SHANK2: variants seen among roughly 807,000 people sequenced by gnomAD.
The protein encoded by SHANK2 is SH3 and multiple ankyrin repeat domains 2.
A neutral mutation model predicts 133.7 loss-of-function variants in SHANK2; 43 were observed. The observed-to-expected ratio is 0.32, with a 90% CI of 0.25 to 0.41. The LOEUF is 0.41. SHANK2 is among the 10% of genes least tolerant of loss of function. The probability of loss-of-function intolerance (pLI) is 1.00; values close to 1 mark genes in which losing one functional copy is unlikely to be tolerated. For synonymous variants in SHANK2, 1,017 were observed against 952.8 expected (o/e 1.07, Z -1.24); for missense variants, 1,994 against 2,235.8 (o/e 0.89, Z 2.18).
intron 3 of SHANK2, among the ~76,000 whole-genome samples, chr11:71,136,994 C>T (rs1952451569): frequency 6.6e-6 from 1 of 152,168 alleles, no homozygotes; most frequent in Admixed American, 6.5e-5. Flanking sequence ...TCCTGAGTAG[C>T]TGGGATTACA....
chr11:70,720,332 G>A (rs1250671625), intron 14 of SHANK2, among the ~76,000 whole-genome samples: 1 of 152,222 alleles, frequency 6.6e-6, no homozygotes, highest in Non-Finnish European at 1.5e-5. Context: ...ATCTCCAGAG[G>A]CTACAGAGAA....
chr11:70,871,679 T>C (rs1000928286), intron 11 of SHANK2, among the ~76,000 whole-genome samples: 4 of 152,178 alleles, frequency 2.6e-5, no homozygotes, highest in Admixed American at 2.6e-4. Context: ...AGAGTTCATG[T>C]TGAAAGGCAA....
rs1053192369 is a variant in SHANK2, at chr11:70,473,080, G to A, written c.5339C>T (p.Thr1780Ile). The change falls in exon 26 of 26, where the codon ACT (threonine) becomes ATT (isoleucine). Residue 1780 changes from threonine to isoleucine, a missense_variant. Thr to Ile is a moderately conservative substitution (Grantham distance 89). Transcript: ENST00000601538. This position sits in a 1 kb window ranked among gnomAD's most constrained non-coding sequence, Gnocchi z 5.9. Reference protein sequence around the residue: ...QQPISNKPFTTKPVHLWTKPD... With the variant: ...QQPISNKPFTIKPVHLWTKPD... ...TTTAGTCCACAGGTGGACAGGTTTA[G>A]TTGTAAAAGGCTTATTTGAGATTGG... The A allele has an allele frequency of 1.2e-6, 2 of 1,614,250 alleles. No homozygotes were observed. The highest frequency in any genetic ancestry group is 8.5e-7 in the Non-Finnish European group (1 of 1,180,052).
chr11:71,197,933 C>T (rs1375263849), intron 2 of SHANK2, among the ~76,000 whole-genome samples: 2 of 152,160 alleles, frequency 1.3e-5, no homozygotes, highest in Non-Finnish European at 2.9e-5. Context: ...AAGAAGGAGT[C>T]GGGCACCCTG....
In SHANK2 at chr11:70,585,745, A is replaced by T. The variant is rs527278996; in HGVS notation, c.2061+74083T>A. ...CATTCGTCCATCCAACTAGCCATCCATCCATCCATCCATCCATGCATTCAC... is the reference window on the plus strand; with the variant it reads ...CATTCGTCCATCCAACTAGCCATCCTTCCATCCATCCATCCATGCATTCAC... On this transcript the variant is annotated intron_variant, in intron 17 of 25. Coordinates refer to ENST00000601538, the MANE Select transcript of SHANK2 (RefSeq NM_012309.5). Among the ~76,000 whole-genome samples, 4 of 151,398 alleles carry T rather than the reference A, an allele frequency of 2.6e-5. No homozygotes were observed. The South Asian group carries it at 8.4e-4, about 32-fold the overall frequency.
chr11:70,503,165 C>T (rs782542538), intron 17 of SHANK2, among the ~76,000 whole-genome samples: 5 of 152,160 alleles, frequency 3.3e-5, no homozygotes, highest in Non-Finnish European at 1.5e-5. Flanking sequence ...GGGAGGCCTT[C>T]CTCTGACACT....
Position 71,175,492 on chromosome 11 carries a change from G to A in SHANK2, c.-12-28154C>T, listed in dbSNP as rs1953413368. On this transcript the variant is annotated intron_variant, in intron 2 of 25. Coordinates refer to ENST00000601538, the MANE Select transcript of SHANK2 (RefSeq NM_012309.5). The surrounding 1 kb of genome is among the most constrained non-coding windows in gnomAD (Gnocchi z 4.2). ...ACCAAGGCTGGTGAAAGAGAAGTGG[G>A]GACAAAAAAGGCAGAGGGGCAGAAA... 6.7e-6 allele frequency among the ~76,000 whole-genome samples: 1 copy of A among 148,926 alleles called. No individual in the cohort carries two copies. The highest frequency in any genetic ancestry group is 6.8e-5 in the Admixed American group (1 of 14,712).
intron 10 of SHANK2, among the ~76,000 whole-genome samples, chr11:70,908,699 C>T (rs1192766030): frequency 1.3e-5 from 2 of 152,200 alleles, no homozygotes; most frequent in African/African-American, 4.8e-5. Context: ...TGGGGTTCAG[C>T]ACCAAGGTGA....
chr11:70,838,571 C>T (rs1184674387), intron 11 of SHANK2, among the ~76,000 whole-genome samples: 5 of 152,118 alleles, frequency 3.3e-5, no homozygotes, highest in African/African-American at 1.2e-4. Flanking sequence ...GTCCTGACTC[C>T]TAGGGCCCCT....
chr11:71,184,383 G>A (rs561588447), intron 2 of SHANK2, among the ~76,000 whole-genome samples: 1 of 152,280 alleles, frequency 6.6e-6, no homozygotes, highest in East Asian at 1.9e-4. Context: ...AAAAGCAATG[G>A]CTCTCGCGTC....
intron 2 of SHANK2, among the ~76,000 whole-genome samples, chr11:71,153,231 G>GGAA (rs1188527581): frequency 6.6e-6 from 1 of 150,480 alleles, no homozygotes; most frequent in East Asian, 2.0e-4. Context: ...GATCAGAGGA[G>GGAA]GGGAAGGTTA....
intron 11 of SHANK2, chr11:70,863,954 A>C (rs190886190): frequency 2.4e-6 from 1 of 424,268 alleles, no homozygotes; most frequent in Admixed American, 2.9e-5. Context: ...GTTTCTGATA[A>C]AACCACCCAG....
At chr11:70,572,265 T>A (rs1472008260) in intron 17 of SHANK2, among the ~76,000 whole-genome samples, 4 of 152,238 alleles carry the variant, frequency 2.6e-5, no homozygotes, top group Non-Finnish European at 5.9e-5. Flanking sequence ...GTTCAAGGGA[T>A]TCTCCTGCCT....
chr11:70,580,218 C>T (rs1030054097), intron 17 of SHANK2, among the ~76,000 whole-genome samples: 1 of 152,230 alleles, frequency 6.6e-6, no homozygotes, highest in East Asian at 1.9e-4. Context: ...CCAGCCCCTC[C>T]CTTTTGGTCA....
intron 8 of SHANK2, among the ~76,000 whole-genome samples, chr11:71,077,514 T>C (rs1951237400): frequency 6.6e-6 from 1 of 152,188 alleles, no homozygotes; most frequent in Non-Finnish European, 1.5e-5. Context: ...TCCATTGTTT[T>C]ATAACACACA....
chr11:70,917,500 T>C (rs1555080042), intron 10 of SHANK2, among the ~76,000 whole-genome samples: 1 of 152,200 alleles, frequency 6.6e-6, no homozygotes, highest in Non-Finnish European at 1.5e-5. Flanking sequence ...GCAATCCCAT[T>C]ACGGGGTATA....
At chr11:70,627,018 G>A (rs1417254247) in intron 17 of SHANK2, among the ~76,000 whole-genome samples, 1 of 152,208 alleles carries the variant, frequency 6.6e-6, no homozygotes, top group African/African-American at 2.4e-5. Context: ...TGGCGCAGCC[G>A]TGAAGGTCAG....
rs531455578 is a variant in SHANK2 at position 70,875,518 on chromosome 11, C to T, written c.1174+20983G>A. 4.4e-3 allele frequency among the ~76,000 whole-genome samples: 530 copies of T among 120,198 alleles called. 9 individuals are homozygous for T. The highest frequency in any genetic ancestry group is 6.2e-3 in the Non-Finnish European group (359 of 58,354). 78.9% of individuals were successfully genotyped at this position (120,198 alleles called of 152,430 possible). A position where few individuals can be genotyped will look rare whatever the true frequency, so the allele number is the denominator to read the frequency against. The stretch of plus-strand genomic sequence containing the variant: ...CAGCCTGGGAGACAGAGTGAGACTC[C>T]GTCTCAAACAACAACAACAACAACA... On this transcript the variant is annotated intron_variant, in intron 11 of 25. Transcript: ENST00000601538.
At chr11:71,139,247 G>A (rs1332588006) in intron 3 of SHANK2, among the ~76,000 whole-genome samples, 2 of 151,864 alleles carry the variant, frequency 1.3e-5, no homozygotes, top group African/African-American at 4.8e-5. Context: ...AGAGGCGGAT[G>A]CGGGGCCGAC....
Sources: gnomAD v4.1 joint callset for allele counts (sites outside exome capture counted in the v4.1 genomes callset) on GRCh38, gnomAD v4.1.1 for gene constraint, Gnocchi (gnomAD v3.1) non-coding constraint, MANE v1.5 for transcripts, NCBI Gene and HGNC (gene_info 2026-07-23, HGNC 2026-07-21) for gene names.